Variants in FGF12 observed in about 807,000 individuals in gnomAD.
FGF12 encodes fibroblast growth factor 12.
In FGF12, 14 loss-of-function variants were observed where a neutral mutation model predicts 23.6. That is an observed-to-expected ratio of 0.59 (90% CI 0.39 to 0.93). The LOEUF is 0.93. FGF12 is among the 40% of genes least tolerant of loss of function. The pLI, the probability that FGF12 is intolerant of heterozygous loss-of-function variation, is 0.00. For synonymous variants in FGF12, 62 were observed against 77.3 expected, an observed-to-expected ratio of 0.80 and a Z score of 1.04; for missense variants, 175 against 217.8, an observed-to-expected ratio of 0.80 and a Z score of 1.24.
chr3:192,190,590 C>G (rs1716733901), intron 4 of FGF12, among the ~76,000 whole-genome samples: 2 of 150,822 alleles, frequency 1.3e-5, no homozygotes, highest in Admixed American at 1.3e-4. Flanking sequence ...ATTCTCCTGC[C>G]TCAGCCTCCC....
Position 192,408,749 on chromosome 3 carries a change from TACTAAAAAGTG to T in FGF12, c.14-48222_14-48212del. The stretch of plus-strand genomic sequence containing the variant: ...CGGGTAGCGCGCCCCCGGTAGAAAA[TACTAAAAAGTG>T]AATAAAACGTTCCTTTAGAAAACAA... On this transcript the variant is annotated intron_variant, in intron 2 of 5. Transcript: ENST00000445105. The surrounding 1 kb of genome is among the most constrained non-coding windows in gnomAD (Gnocchi z 7.3). The T allele has an allele frequency of 1.0e-6, 1 of 986,296 alleles. No homozygotes were observed. The highest frequency in any genetic ancestry group is 1.2e-6 in the Non-Finnish European group (1 of 830,780). The allele number at this position is 986,296 out of a possible 1,614,324, so 61.1% of individuals were successfully genotyped here.
intron 4 of FGF12, among the ~76,000 whole-genome samples, chr3:192,194,556 T>C (rs1468136727): frequency 6.6e-6 from 1 of 152,234 alleles, no homozygotes; most frequent in Non-Finnish European, 1.5e-5. Context: ...TTTTCATATA[T>C]ATTTAGATGT....
At chr3:192,392,358 G>C (rs563598328) in intron 2 of FGF12, among the ~76,000 whole-genome samples, 14 of 151,386 alleles carry the variant, frequency 9.2e-5, no homozygotes, top group African/African-American at 3.4e-4. Flanking sequence ...CCCTGAGGTC[G>C]GGAGTTCGAG....
intron 3 of FGF12, among the ~76,000 whole-genome samples, chr3:192,358,935 G>A (rs1481083106): frequency 6.6e-6 from 1 of 152,066 alleles, no homozygotes; most frequent in Non-Finnish European, 1.5e-5. Flanking sequence ...GTAATATCTT[G>A]GAGTTAGTGC....
intron 4 of FGF12, among the ~76,000 whole-genome samples, chr3:192,305,852 T>C (rs1369148957): frequency 1.5e-5 from 2 of 133,402 alleles, no homozygotes; most frequent in African/African-American, 6.3e-5. Context: ...TCCATCTCTC[T>C]GGTTTTTTTT....
chr3:192,721,002 A>G (rs1031063805), intron 2 of FGF12, among the ~76,000 whole-genome samples: 6 of 152,204 alleles, frequency 3.9e-5, no homozygotes, highest in African/African-American at 1.4e-4. Context: ...CCCCAAACCC[A>G]TAAGATGTAG....
chr3:192,186,395 G>A (rs932095762), intron 4 of FGF12, among the ~76,000 whole-genome samples: 2 of 152,176 alleles, frequency 1.3e-5, no homozygotes, highest in Non-Finnish European at 2.9e-5. Context: ...GACAAATGCT[G>A]TTTGATAAAT....
At chr3:192,181,777 T>G (rs984862691) in intron 4 of FGF12, among the ~76,000 whole-genome samples, 1 of 151,754 alleles carries the variant, frequency 6.6e-6, no homozygotes, top group Non-Finnish European at 1.5e-5. Context: ...ACTACAGGCA[T>G]GCACCACCAC....
intron 2 of FGF12, among the ~76,000 whole-genome samples, chr3:192,678,496 G>A (rs1016050399): frequency 3.3e-5 from 5 of 152,058 alleles, no homozygotes; most frequent in African/African-American, 7.2e-5. Context: ...ACTCAAACTC[G>A]TTCATGTCCT....
chr3:192,483,252 G>T (rs1485652484), intron 2 of FGF12, among the ~76,000 whole-genome samples: 3 of 151,942 alleles, frequency 2.0e-5, no homozygotes, highest in Admixed American at 6.6e-5. Flanking sequence ...TTTTTTTAAT[G>T]GACTACTATA....
chr3:192,257,773 T>C (rs977308061), intron 4 of FGF12, among the ~76,000 whole-genome samples: 22 of 152,180 alleles, frequency 1.4e-4, no homozygotes, highest in African/African-American at 4.8e-4. Context: ...CACAGGAAAA[T>C]TGGCTTTCTC....
At chr3:192,545,629 T>A (rs963600593) in intron 2 of FGF12, among the ~76,000 whole-genome samples, 5 of 152,224 alleles carry the variant, frequency 3.3e-5, no homozygotes, top group African/African-American at 9.6e-5. Flanking sequence ...AAAAAGTAGC[T>A]TCCAGAAGAA....
At chr3:192,543,238 T>C (rs1258046269) in intron 2 of FGF12, among the ~76,000 whole-genome samples, 1 of 152,164 alleles carries the variant, frequency 6.6e-6, no homozygotes, top group African/African-American at 2.4e-5. Context: ...TCCTTCACAC[T>C]CTTCCCTCCC....
chr3:192,672,806 G>A (rs888518232), intron 2 of FGF12, among the ~76,000 whole-genome samples: 2 of 150,862 alleles, frequency 1.3e-5, no homozygotes, highest in African/African-American at 4.8e-5. Flanking sequence ...GCAAGAGCTG[G>A]CCTTGATCCA....
chr3:192,235,907 G>A (rs750145641), intron 4 of FGF12, among the ~76,000 whole-genome samples: 2 of 152,004 alleles, frequency 1.3e-5, no homozygotes, highest in Non-Finnish European at 2.9e-5. Flanking sequence ...TAGCTTTGGG[G>A]TTGGGTTACT....
At chr3:192,561,643 T>G (rs1190112809) in intron 2 of FGF12, among the ~76,000 whole-genome samples, 1 of 152,210 alleles carries the variant, frequency 6.6e-6, no homozygotes. Flanking sequence ...ATTACAGGCG[T>G]GAGCCACCGT....
chr3:192,490,014 A>G (rs1167873148), intron 2 of FGF12, among the ~76,000 whole-genome samples: 2 of 152,138 alleles, frequency 1.3e-5, no homozygotes, highest in Non-Finnish European at 2.9e-5. Context: ...TCTTTGTGAA[A>G]TCCAGCAAAA....
chr3:192,377,892 C>T (rs553148731), intron 2 of FGF12, among the ~76,000 whole-genome samples: 1 of 152,062 alleles, frequency 6.6e-6, no homozygotes, highest in Admixed American at 6.6e-5. Flanking sequence ...GAATTGAAAA[C>T]CACCAGTGAG....
intron 2 of FGF12, among the ~76,000 whole-genome samples, chr3:192,688,944 G>A (rs548172047): frequency 6.6e-6 from 1 of 152,276 alleles, no homozygotes; most frequent in South Asian, 2.1e-4. Flanking sequence ...CAGCAACGTG[G>A]ACTGAATTGG....
Sources: allele counts gnomAD v4.1 joint callset (sites outside exome capture counted in the v4.1 genomes callset), GRCh38; gene constraint gnomAD v4.1.1; non-coding constraint Gnocchi (gnomAD v3.1); transcripts MANE v1.5; gene names NCBI Gene and HGNC (gene_info 2026-07-23, HGNC 2026-07-21).